NRXN2: variants seen among roughly 807,000 people sequenced by gnomAD.
NRXN2 encodes the protein neurexin 2, also known as neurexin-2-beta.
NRXN2 carries 29 observed loss-of-function variants against 128.8 expected under a neutral mutation model. The observed-to-expected ratio is 0.23, with a 90% CI of 0.17 to 0.31. NRXN2 has a LOEUF of 0.31. NRXN2 is among the 10% of genes least tolerant of loss of function. The pLI is 1.00. For synonymous variants in NRXN2, 1,098 were observed against 1,075.2 expected, an observed-to-expected ratio of 1.02 and a Z score of -0.41; for missense variants, 1,881 against 2,452.6, an observed-to-expected ratio of 0.77 and a Z score of 4.92.
chr11:64,653,790 T>C (rs1352284977), intron 11 of NRXN2, 68 bp from the exon 12 acceptor site: 4 of 1,230,326 alleles, frequency 3.3e-6, no homozygotes, highest in Middle Eastern at 2.1e-4. Context: ...TTTTTTTTTT[T>C]TACATCCTTC....
Position 64,713,610 on chromosome 11 carries a change from C to T in NRXN2, c.90G>A (p.Glu30=). The change falls in exon 2 of 23, where the codon GAG becomes GAA. Residue 30 remains glutamate, a synonymous_variant. Transcript: ENST00000265459. ...CCCACTGCCCGGGGCCGCCGCCGAA[C>T]TCCAGGCCGTCCGCGCGCGCCGCCA... ...LALAARADGL[E]FGGGPGQWAR... is the part of the protein sequence containing the mutation. The T allele has an allele frequency of 5.5e-6, 7 of 1,277,976 alleles. No homozygotes were observed. Among genetic ancestry groups the T allele is most frequent in the Non-Finnish European group, 6.9e-6 (7 of 1,009,838 alleles). The allele number at this position is 1,277,976 out of a possible 1,614,324, so 79.2% of individuals were successfully genotyped here.
intron 6 of NRXN2, among the ~76,000 whole-genome samples, chr11:64,680,953 C>T (rs1332187863): frequency 2.0e-5 from 3 of 151,682 alleles, no homozygotes; most frequent in Non-Finnish European, 2.9e-5. Flanking sequence ...AAAAATTAGC[C>T]GGGCATGGTG....
chr11:64,607,835 G>A lies in NRXN2; in HGVS notation c.4500C>T (p.Val1500=), dbSNP rs767901683. 1.1e-5 allele frequency: 18 copies of A among 1,601,174 alleles called. No individual in the cohort carries two copies. The East Asian group carries it at 3.9e-4, about 34-fold the overall frequency. The part of the protein sequence containing the change: ...IEASGFASGE[V]FDSSLPPTDD... The stretch of plus-strand genomic sequence containing the variant: ...CCGTGGGGGGGAGGCTGGAGTCAAA[G>A]ACCTCCCCGGAGGCGAAGCCCGAGG... Residue 1500 remains valine (V), a synonymous_variant, in exon 23 of 23, where the codon GTC becomes GTT. Coordinates refer to ENST00000265459, the MANE Select transcript of NRXN2 (RefSeq NM_015080.4).
intron 7 of NRXN2, among the ~76,000 whole-genome samples, chr11:64,672,172 G>C (rs1265792656): frequency 6.6e-6 from 1 of 152,220 alleles, no homozygotes; most frequent in African/African-American, 2.4e-5. Context: ...CAGGAGCAGA[G>C]AGGCTGGCTG....
At position 64,668,746 on chromosome 11, in the gene NRXN2, G is replaced by T. The variant is rs1003912360; in HGVS notation, c.1198-142C>A. Reference sequence around the variant, plus strand: ...TTTTATGTCTGCTTGTCTTGGAGGAGGAACAGTGGGGGAAGAGAGGAAATG... The same window carrying T: ...TTTTATGTCTGCTTGTCTTGGAGGATGAACAGTGGGGGAAGAGAGGAAATG... On this transcript the variant is annotated intron_variant, in intron 7 of 22. Transcript: ENST00000265459. 24 of 835,214 alleles carry T rather than the reference G, an allele frequency of 2.9e-5. No individual in the cohort carries two copies. The East Asian group carries it at 5.4e-4, about 19-fold the overall frequency. 51.7% of individuals were successfully genotyped at this position (835,214 alleles called of 1,614,324 possible). A position where few individuals can be genotyped will look rare whatever the true frequency, so the allele number is the denominator to read the frequency against.
chr11:64,636,292 G>A (rs1012044922), intron 17 of NRXN2, among the ~76,000 whole-genome samples: 5 of 151,336 alleles, frequency 3.3e-5, no homozygotes, highest in East Asian at 2.0e-4. Context: ...TCTCTTCTTC[G>A]CCAGCCGGCT....
chr11:64,690,511 G>C (rs1180721845), intron 4 of NRXN2, 35 bp from the exon 5 acceptor site: 2 of 1,579,308 alleles, frequency 1.3e-6, no homozygotes, highest in East Asian at 4.5e-5. Flanking sequence ...AGGCACAGGG[G>C]GTACCGAGCC....
Position 64,630,543 on chromosome 11 carries a change from C to T in NRXN2, c.3616G>A (p.Val1206Met), listed in dbSNP as rs2043746838. ...TCGATGGTAATGTCGTCCGTGCCCA[C>T]GTTAAAGATCACCCCCACGGTGCCC... ...DQGTVGVIFNVGTDDITIDEP... is the reference protein window; with the variant it reads ...DQGTVGVIFNMGTDDITIDEP... Residue 1206 changes from valine (V) to methionine (M), a missense_variant, in exon 19 of 23, where the codon GTG becomes ATG. By Grantham distance (21) the Val-to-Met change is conservative. Around this residue, in one of 7 missense-constraint regions of NRXN2, gnomAD observed 390 missense variants for 599.6 expected, o/e 0.65. Transcript: ENST00000265459. This position sits in a 1 kb window ranked among gnomAD's most constrained non-coding sequence, Gnocchi z 4.6. The T allele has an allele frequency of 1.2e-6, 2 of 1,613,948 alleles. No individual in the cohort carries two copies. Among genetic ancestry groups the T allele is most frequent in the Non-Finnish European group, 1.7e-6 (2 of 1,180,036 alleles).
rs781122488 is a variant in NRXN2, at chr11:64,690,427, G to A, written c.828C>T (p.Gly276=). Residue 276 remains glycine, a synonymous_variant, in exon 5 of 23, where the codon GGC becomes GGT. Coordinates refer to ENST00000265459, the MANE Select transcript of NRXN2 (RefSeq NM_015080.4). ...SEGGAGRGGA[G]DVHQPTKGKE... ...GACCTTTTGTTGGCTGGTGCACATC[G>A]CCGGCTCCTCCTCTCCCGGCCCCCC... The A allele has an allele frequency of 1.5e-5, 25 of 1,613,154 alleles. No individual in the cohort carries two copies. The South Asian group carries it at 2.0e-4, about 13-fold the overall frequency.
intron 1 of NRXN2, among the ~76,000 whole-genome samples, chr11:64,722,286 T>A (rs553188158): frequency 1.4e-5 from 2 of 139,054 alleles, no homozygotes; most frequent in East Asian, 4.7e-4. Flanking sequence ...AGTCTCCCTG[T>A]CTCATCACCC....
At chr11:64,677,847 C>A (rs1168672625) in intron 6 of NRXN2, among the ~76,000 whole-genome samples, 3 of 152,200 alleles carry the variant, frequency 2.0e-5, no homozygotes, top group Non-Finnish European at 4.4e-5. Context: ...AACTGGCTGA[C>A]CAGTGGCCAT....
At position 64,660,858 on chromosome 11, in the gene NRXN2, A is replaced by G. The variant is rs1380784683; in HGVS notation, c.2080T>C (p.Cys694Arg). 2 of 1,613,902 alleles carry G rather than the reference A, an allele frequency of 1.2e-6. No homozygotes were observed. Among genetic ancestry groups the G allele is most frequent in the Non-Finnish European group, 1.7e-6 (2 of 1,179,920 alleles). Residue 694 changes from cysteine to arginine, a missense_variant, in exon 10 of 23, where the codon TGT becomes CGT. Cys to Arg is a radical substitution (Grantham distance 180, BLOSUM62 -3). This residue lies in a region of NRXN2 where 997 missense variants were observed against 1,240.8 expected (regional missense o/e 0.80). Coordinates refer to ENST00000265459, the MANE Select transcript of NRXN2 (RefSeq NM_015080.4). This position sits in a 1 kb window ranked among gnomAD's most constrained non-coding sequence, Gnocchi z 5.2. ...CCATTGCGACAGGGGGCAGATGCAC[A>G]CTGCTTCAGCGTCTCCCGGGAGCAA... ...PFCSRETLKQ[C>R]ASAPCRNGGV...
At chr11:64,650,769 G>T in intron 14 of NRXN2, 131 bp from the exon 15 acceptor site, 1 of 862,870 alleles carries the variant, frequency 1.2e-6, no homozygotes, top group Non-Finnish European at 1.8e-6. Context: ...GACCCCAGAG[G>T]AGAGCGACCA....
Position 64,606,944 on chromosome 11 carries a change from C to T in NRXN2, c.*252G>A, listed in dbSNP as rs748936555. ...ATAAATCAACCCAGGGCTGTGAGCA[C>T]GTGCCCTGCCTGGCAGGCGCAGAGC... is the stretch of plus-strand genomic sequence containing the variant. On this transcript the variant is annotated 3_prime_UTR_variant, in exon 23 of 23. Transcript: ENST00000265459. The T allele has an allele frequency of 1.3e-5, 7 of 549,490 alleles. No homozygotes were observed. Among genetic ancestry groups the T allele is most frequent in the East Asian group, 3.0e-5 (1 of 33,576 alleles). The allele number at this position is 549,490 out of a possible 1,614,324, so 34.0% of individuals were successfully genotyped here.
rs1372083738 is a variant in NRXN2 at position 64,632,264 on chromosome 11, C to T, written c.3586-1691G>A. ...CCTGGGAAAACCACATACATATATG[C>T]ATGCATGCACGCTAACACACAGATG... On this transcript the variant is annotated intron_variant, in intron 18 of 22. Coordinates refer to ENST00000265459, the MANE Select transcript of NRXN2 (RefSeq NM_015080.4). The surrounding 1 kb of genome is among the most constrained non-coding windows in gnomAD (Gnocchi z 4.2). 6.6e-6 allele frequency among the ~76,000 whole-genome samples: 1 copy of T among 152,190 alleles called. No individual in the cohort carries two copies. The highest frequency in any genetic ancestry group is 6.5e-5 in the Admixed American group (1 of 15,284).
At chr11:64,712,352 G>C (rs1034185299) in intron 2 of NRXN2, among the ~76,000 whole-genome samples, 2 of 150,384 alleles carry the variant, frequency 1.3e-5, no homozygotes, top group East Asian at 3.9e-4. Context: ...CTCACACGAG[G>C]TCCTGCTCCC....
intron 22 of NRXN2, 148 bp from the exon 23 acceptor site, chr11:64,608,230 C>T: frequency 1.4e-6 from 1 of 690,910 alleles, no homozygotes; most frequent in Non-Finnish European, 2.5e-6. Flanking sequence ...GGCCCGCCCG[C>T]CAGCCGGCCG....
rs767124560 is a variant in NRXN2, at chr11:64,648,774, G to A, written c.3243C>T (p.Asp1081=). Residue 1081 remains aspartate, a synonymous_variant, in exon 16 of 23, where the codon GAC becomes GAT. Transcript: ENST00000265459. The surrounding 1 kb of genome is among the most constrained non-coding windows in gnomAD (Gnocchi z 4.1). ...CCACCTGCCCAATGCGGTGCAGGGC[G>A]TCGGCGATGAGGTCTGGGAGACGTC... is the stretch of plus-strand genomic sequence containing the variant. ...LNGRLPDLIA[D]ALHRIGQVER... 2.7e-5 allele frequency: 43 copies of A among 1,614,030 alleles called. No homozygotes were observed. In the South Asian group the frequency reaches 4.3e-4, roughly 16 times the overall value.
chr11:64,701,953 G>A (rs1406281170), intron 2 of NRXN2, among the ~76,000 whole-genome samples: 1 of 145,474 alleles, frequency 6.9e-6, no homozygotes, highest in Non-Finnish European at 1.5e-5. Context: ...GGAGGGAGGT[G>A]GGGGGGTCAG....
Sources: allele counts gnomAD v4.1 joint callset (sites outside exome capture counted in the v4.1 genomes callset), GRCh38; gene constraint gnomAD v4.1.1; regional missense constraint gnomAD v4.1.1; non-coding constraint Gnocchi (gnomAD v3.1); transcripts MANE v1.5; gene names NCBI Gene and HGNC (gene_info 2026-07-23, HGNC 2026-07-21).